The following NRG4 variants were observed in gnomAD, a reference collection of about 807,000 sequenced individuals.
NRG4 encodes the protein neuregulin 4.
NRG4 carries 10 observed loss-of-function variants against 15.0 expected under a neutral mutation model. That is an observed-to-expected ratio of 0.67 (90% CI 0.41 to 1.13). The LOEUF is 1.13. Among genes scored for constraint, NRG4 ranks in the 50% most tolerant of loss-of-function variants. The pLI, the probability that NRG4 is intolerant of heterozygous loss-of-function variation, is 0.00. For missense variants in NRG4, 139 were observed against 140.2 expected, an observed-to-expected ratio of 0.99 and a Z score of 0.04; for synonymous variants, 41 against 50.1, an observed-to-expected ratio of 0.82 and a Z score of 0.77.
At chr15:76,027,515 T>C (rs994585710) in intron 5 of NRG4, among the ~76,000 whole-genome samples, 1 of 151,170 alleles carries the variant, frequency 6.6e-6, no homozygotes, top group East Asian at 1.9e-4. Flanking sequence ...TATATATATA[T>C]ATGCACCAAG....
rs571816844 is a variant in NRG4 at position 75,964,860 on chromosome 15, C to T, written c.105-2886G>A. Among the ~76,000 whole-genome samples, 3 of 152,044 alleles carry T rather than the reference C, an allele frequency of 2.0e-5. No homozygotes were observed. In the South Asian group the frequency reaches 6.2e-4, roughly 32 times the overall value. ...AGAATCACTTGAGCCCAGGTCAAGG[C>T]ATAGTGAGCCCTGATTGCACCACTG... is the stretch of plus-strand genomic sequence containing the variant. On this transcript the variant is annotated intron_variant, in intron 3 of 5. Transcript: ENST00000394907.
intron 1 of NRG4, chr15:76,012,115 AAT>A (rs2141913401): frequency 6.6e-6 from 1 of 152,208 alleles, no homozygotes; most frequent in Admixed American, 6.5e-5. Context: ...ACACAGTTGT[AAT>A]ACCAAGGTCT....
At chr15:76,053,057 GA>G (rs1010420150) in intron 2 of NRG4, 1 of 150,924 alleles carries the variant, frequency 6.6e-6, no homozygotes, top group Non-Finnish European at 1.5e-5. Context: ...TTTAGAGTTA[GA>G]AAAAAACTTA....
chr15:75,971,615 C>G (rs746728141), intron 3 of NRG4, among the ~76,000 whole-genome samples: 8 of 152,040 alleles, frequency 5.3e-5, no homozygotes, highest in Admixed American at 3.9e-4. Context: ...TATAATGTCT[C>G]TTAAATTCAA....
intron 4 of NRG4, among the ~76,000 whole-genome samples, chr15:76,050,447 T>TTTG (rs1334544621): frequency 7.1e-6 from 1 of 141,802 alleles, no homozygotes; most frequent in African/African-American, 2.7e-5. Flanking sequence ...GTTTTTTTTT[T>TTTG]TTTTTTTTTT....
Position 76,012,384 on chromosome 15 carries a change from A to G in NRG4, c.-122T>C, listed in dbSNP as rs1045193933. On this transcript the variant is annotated 5_prime_UTR_variant, in exon 1 of 6. Coordinates refer to ENST00000394907, the MANE Select transcript of NRG4 (RefSeq NM_138573.4). Reference sequence around the variant, plus strand: ...CAAAAGTTTTTGAATACCGCAGACAACAGCAGCTGTGACTTGCATTTTATA... The same window carrying G: ...CAAAAGTTTTTGAATACCGCAGACAGCAGCAGCTGTGACTTGCATTTTATA... 4 of 152,234 alleles carry G rather than the reference A, an allele frequency of 2.6e-5. No individual in the cohort carries two copies. The highest frequency in any genetic ancestry group is 2.6e-4 in the Admixed American group (4 of 15,284). 9.4% of individuals were successfully genotyped at this position (152,234 alleles called of 1,614,324 possible). A position where few individuals can be genotyped will look rare whatever the true frequency, so the allele number is the denominator to read the frequency against.
At chr15:75,966,169 A>G (rs1328752118) in intron 3 of NRG4, among the ~76,000 whole-genome samples, 1 of 152,254 alleles carries the variant, frequency 6.6e-6, no homozygotes, top group East Asian at 1.9e-4. Context: ...CATGAAATAC[A>G]TTCATTCGAT....
intron 3 of NRG4, among the ~76,000 whole-genome samples, chr15:75,993,697 C>CA (rs61345409): frequency 0.025 from 3,450 of 136,070 alleles, 79 homozygotes; most frequent in African/African-American, 0.069. Flanking sequence ...GACTCACTCT[C>CA]AAAAAAAAAA....
intron 3 of NRG4, among the ~76,000 whole-genome samples, chr15:76,000,791 T>C (rs1041954204): frequency 1.3e-5 from 2 of 152,184 alleles, no homozygotes; most frequent in Admixed American, 6.5e-5. Context: ...TACTCATTAA[T>C]AGAGGCTTGG....
chr15:76,029,871 C>T (rs1200192902), intron 5 of NRG4, among the ~76,000 whole-genome samples: 1 of 152,158 alleles, frequency 6.6e-6, no homozygotes, highest in Non-Finnish European at 1.5e-5. Context: ...AGATTCAATG[C>T]AATCCCTATC....
chr15:76,006,721 C>T (rs1047689955), intron 3 of NRG4, among the ~76,000 whole-genome samples: 1 of 152,202 alleles, frequency 6.6e-6, no homozygotes, highest in Non-Finnish European at 1.5e-5. Flanking sequence ...CACATTTTTA[C>T]ACCTGGTGTG....
chr15:76,054,411 G>C (rs1239987187), intron 2 of NRG4, among the ~76,000 whole-genome samples: 5 of 151,662 alleles, frequency 3.3e-5, no homozygotes, highest in Non-Finnish European at 7.4e-5. Flanking sequence ...TTTTTGTTTT[G>C]TTTTGTTTTG....
At chr15:75,997,832 C>T (rs1463939220) in intron 3 of NRG4, among the ~76,000 whole-genome samples, 1 of 152,044 alleles carries the variant, frequency 6.6e-6, no homozygotes, top group African/African-American at 2.4e-5. Flanking sequence ...TTTTTCAGGG[C>T]CAGACTTGTG....
intron 3 of NRG4, among the ~76,000 whole-genome samples, chr15:75,974,971 T>C (rs902340121): frequency 6.6e-6 from 1 of 152,146 alleles, no homozygotes; most frequent in African/African-American, 2.4e-5. Flanking sequence ...CCCACTATTA[T>C]TGTGTGGGAG....
At chr15:76,054,401 T>TTTTTG (rs758115728) in intron 2 of NRG4, among the ~76,000 whole-genome samples, 10 of 152,026 alleles carry the variant, frequency 6.6e-5, no homozygotes, top group Admixed American at 1.3e-4. Flanking sequence ...AGAGGGATCA[T>TTTTTG]TTTTGTTTTG....
At chr15:76,053,118 G>C (rs2036065925) in intron 2 of NRG4, 4 of 151,040 alleles carry the variant, frequency 2.6e-5, no homozygotes, top group Admixed American at 2.6e-4. Context: ...TAGAGACTTT[G>C]ATTTATTTCC....
intron 5 of NRG4, among the ~76,000 whole-genome samples, chr15:76,019,726 C>A (rs184611310): frequency 1.4e-4 from 22 of 152,292 alleles, no homozygotes; most frequent in Non-Finnish European, 2.8e-4. Flanking sequence ...GCCAGAAATG[C>A]AGAAATCACC....
intron 3 of NRG4, among the ~76,000 whole-genome samples, chr15:76,007,452 C>T (rs4886756): frequency 0.092 from 12,331 of 134,464 alleles, 566 homozygotes; most frequent in African/African-American, 0.11. Context: ...TTTTTTGAGA[C>T]GGAGTCTCGC....
At chr15:75,992,754 G>A (rs2034065626) in intron 3 of NRG4, among the ~76,000 whole-genome samples, 1 of 152,036 alleles carries the variant, frequency 6.6e-6, no homozygotes, top group Non-Finnish European at 1.5e-5. Flanking sequence ...ATGTGTAACA[G>A]AATTACACAT....
Sources: gnomAD v4.1 joint callset for allele counts (sites outside exome capture counted in the v4.1 genomes callset) on GRCh38, gnomAD v4.1.1 for gene constraint, MANE v1.5 for transcripts, NCBI Gene and HGNC (gene_info 2026-07-23, HGNC 2026-07-21) for gene names.